Variants in PTPRA observed in about 807,000 individuals in gnomAD.
PTPRA encodes the protein protein tyrosine phosphatase receptor type A.
In PTPRA, 25 loss-of-function variants were observed where a neutral mutation model predicts 104.8. That is an observed-to-expected ratio of 0.24 (90% CI 0.17 to 0.33). PTPRA has a LOEUF of 0.33. Ranked by LOEUF, PTPRA falls within the 10% of genes least tolerant of loss-of-function variation. PTPRA has a pLI of 1.00. For synonymous variants in PTPRA, 323 were observed against 368.9 expected (o/e 0.88, Z 1.43); for missense variants, 765 against 1,015.3 (o/e 0.75, Z 3.35).
At chr20:3,032,817 T>G (rs2065567318) in intron 20 of PTPRA, among the ~76,000 whole-genome samples, 1 of 151,564 alleles carries the variant, frequency 6.6e-6, no homozygotes, top group South Asian at 2.1e-4. Context: ...CTGTTCGCTC[T>G]GTTCCTTCCA....
intron 11 of PTPRA, among the ~76,000 whole-genome samples, chr20:3,013,043 C>CTT (rs2064252597): frequency 6.6e-6 from 1 of 152,094 alleles, no homozygotes; most frequent in South Asian, 2.1e-4. Flanking sequence ...CATTGTCATC[C>CTT]CCTCAAAAGA....
chr20:2,984,848 C>G (rs575693090), intron 6 of PTPRA, among the ~76,000 whole-genome samples: 1 of 152,098 alleles, frequency 6.6e-6, no homozygotes, highest in Non-Finnish European at 1.5e-5. Context: ...TGGTTCACTT[C>G]ACGTTATTTA....
At position 2,878,079 on chromosome 20, in the gene PTPRA, A is replaced by C. The variant is rs1240782837; in HGVS notation, c.-129+4319A>C. On this transcript the variant is annotated intron_variant, in intron 1 of 23. Coordinates refer to ENST00000399903, the MANE Select transcript of PTPRA (RefSeq NM_001385305.1). The stretch of plus-strand genomic sequence containing the variant: ...GGCATGAGAATCACTTGAACCCAGG[A>C]GGCGGAAGTTGCAGTGAGCCAAGAT... Among the ~76,000 whole-genome samples the C allele has an allele frequency of 3.3e-5, 5 of 152,312 alleles. No homozygotes were observed. In the East Asian group the frequency reaches 5.8e-4, roughly 18 times the overall value.
chr20:2,905,875 A>G (rs1170888909), intron 1 of PTPRA, among the ~76,000 whole-genome samples: 2 of 151,650 alleles, frequency 1.3e-5, no homozygotes, highest in South Asian at 2.1e-4. Context: ...TAGTAGAGAC[A>G]TAGTTTCTCC....
rs150070626 is a variant in PTPRA, at chr20:2,916,004, G to A, written c.-128-7203G>A. ...AAATAATAACAATAATTTTATAGTT[G>A]TAGCTTTTTAAGTTTTTAATCCACT... is the stretch of plus-strand genomic sequence containing the variant. On this transcript the variant is annotated intron_variant, in intron 1 of 23. Transcript: ENST00000399903. 6.6e-3 allele frequency among the ~76,000 whole-genome samples: 1,004 copies of A among 152,218 alleles called. 9 individuals are homozygous for A. The highest frequency in any genetic ancestry group is 0.011 in the Non-Finnish European group (725 of 67,998).
chr20:2,931,112 A>G (rs770480765), intron 2 of PTPRA, among the ~76,000 whole-genome samples: 2 of 152,054 alleles, frequency 1.3e-5, no homozygotes, highest in African/African-American at 4.8e-5. Context: ...TGGGGCTCCC[A>G]CTCAAGATAT....
rs557561928 is a variant in PTPRA, at chr20:2,971,199, GA to G, written c.416-4009del. Among the ~76,000 whole-genome samples, 45 of 151,978 alleles carry G rather than the reference GA, an allele frequency of 3.0e-4. No homozygotes were observed. In the South Asian group the frequency reaches 6.6e-3, roughly 22 times the overall value. ...ACATTAGAATTAACTTGTCTAGCAG[GA>G]AAAAAAGTTTGTATTGATCATGTTA... On this transcript the variant is annotated intron_variant, in intron 5 of 23. Coordinates refer to ENST00000399903, the MANE Select transcript of PTPRA (RefSeq NM_001385305.1).
rs560834466 is a variant in PTPRA at position 3,007,812 on chromosome 20, A to G, written c.906+392A>G. Among the ~76,000 whole-genome samples, 9 of 126,150 alleles carry G rather than the reference A, an allele frequency of 7.1e-5. No homozygotes were observed. In the East Asian group the frequency reaches 1.1e-3, roughly 15 times the overall value. The allele number at this position is 126,150 out of a possible 152,430, so 82.8% of individuals were successfully genotyped here. On this transcript the variant is annotated intron_variant, in intron 11 of 23. Transcript: ENST00000399903. The stretch of plus-strand genomic sequence containing the variant: ...ATTATATATGTGTGTGTATGTATAT[A>G]TGTGTGTGTGTGTGTCTGTGTGTGT...
chr20:2,927,033 C>CG (rs1366921047), intron 2 of PTPRA, among the ~76,000 whole-genome samples: 1 of 151,632 alleles, frequency 6.6e-6, no homozygotes, highest in Non-Finnish European at 1.5e-5. Context: ...TCAAGTGATC[C>CG]GCCCGCCTCG....
chr20:2,907,136 A>G (rs1180136295), intron 1 of PTPRA, among the ~76,000 whole-genome samples: 1 of 152,240 alleles, frequency 6.6e-6, no homozygotes, highest in African/African-American at 2.4e-5. Context: ...AGTTGTCTAA[A>G]TAACAACAGT....
chr20:2,990,006 G>A (rs921368987), intron 9 of PTPRA, among the ~76,000 whole-genome samples: 44 of 152,234 alleles, frequency 2.9e-4, no homozygotes, highest in African/African-American at 1.0e-3. Flanking sequence ...AACAGAGGGA[G>A]ACCCCATCTC....
At chr20:3,015,047 G>T (rs1415734241) in intron 11 of PTPRA, among the ~76,000 whole-genome samples, 1 of 152,098 alleles carries the variant, frequency 6.6e-6, no homozygotes, top group Admixed American at 6.5e-5. Context: ...TTAAACACTG[G>T]GAGCTACTTC....
At chr20:2,885,145 C>A (rs189542433) in intron 1 of PTPRA, among the ~76,000 whole-genome samples, 93 of 152,266 alleles carry the variant, frequency 6.1e-4, no homozygotes, top group Non-Finnish European at 1.1e-3. Context: ...AACGCCTGCA[C>A]CTTTTTACAA....
At chr20:2,947,770 G>A (rs2061191786) in intron 2 of PTPRA, among the ~76,000 whole-genome samples, 1 of 152,148 alleles carries the variant, frequency 6.6e-6, no homozygotes, top group African/African-American at 2.4e-5. Context: ...TGTCATAGCC[G>A]CAGAAGTTAG....
At chr20:2,910,805 C>A (rs1185971557) in intron 1 of PTPRA, among the ~76,000 whole-genome samples, 2 of 151,062 alleles carry the variant, frequency 1.3e-5, no homozygotes, top group Admixed American at 6.6e-5. Context: ...CGGGGTTTCA[C>A]TGTGTTAGCC....
chr20:2,901,935 G>C (rs533364470), intron 1 of PTPRA, among the ~76,000 whole-genome samples: 10 of 151,446 alleles, frequency 6.6e-5, no homozygotes, highest in African/African-American at 2.4e-4. Flanking sequence ...ACCCAGGCTA[G>C]AGTGCAGTGG....
intron 1 of PTPRA, among the ~76,000 whole-genome samples, chr20:2,912,439 C>T (rs1205883600): frequency 3.3e-5 from 5 of 151,936 alleles, no homozygotes; most frequent in Non-Finnish European, 5.9e-5. Flanking sequence ...GCCTGGGCAA[C>T]GTGGCGAAAC....
At chr20:3,026,818 C>T in intron 18 of PTPRA, 38 bp downstream of exon 18, 2 of 1,507,280 alleles carry the variant, frequency 1.3e-6, no homozygotes, top group Non-Finnish European at 1.8e-6. Context: ...CTTATTGCCC[C>T]ATCCCTCAAT....
intron 5 of PTPRA, among the ~76,000 whole-genome samples, chr20:2,965,625 C>T (rs978840103): frequency 6.6e-6 from 1 of 151,396 alleles, no homozygotes; most frequent in East Asian, 1.9e-4. Flanking sequence ...ATGTGAGATA[C>T]AGAGAATGAG....
Sources: allele counts gnomAD v4.1 joint callset (sites outside exome capture counted in the v4.1 genomes callset), GRCh38; gene constraint gnomAD v4.1.1; transcripts MANE v1.5; gene names NCBI Gene and HGNC (gene_info 2026-07-23, HGNC 2026-07-21).